Variants in TAF15 observed in about 807,000 individuals in gnomAD.
TAF15 encodes the protein TATA-box binding protein associated factor 15.
A neutral mutation model predicts 102.5 loss-of-function variants in TAF15; 37 were observed. The ratio of observed to expected loss-of-function variants is 0.36; its 90% CI spans 0.28 to 0.47. The LOEUF (loss-of-function observed/expected upper bound fraction) is 0.47, where lower values mean the gene tolerates loss of function less well. Among genes scored for constraint, TAF15 ranks in the 20% least tolerant of loss-of-function variants. The pLI is 0.99. For missense variants in TAF15, 652 were observed against 760.7 expected (o/e 0.86, Z 1.68); for synonymous variants, 273 against 259.2 (o/e 1.05, Z -0.51).
At chr17:35,843,913 G>C (rs1324015710) in intron 12 of TAF15, among the ~76,000 whole-genome samples, 164 bp from the exon 13 acceptor site, 1 of 152,196 alleles carries the variant, frequency 6.6e-6, no homozygotes, top group Non-Finnish European at 1.5e-5. Context: ...TGTTTACTAA[G>C]TACAAGACCC....
At chr17:35,836,593 T>C (rs1224313817) in intron 10 of TAF15, among the ~76,000 whole-genome samples, 1 of 152,226 alleles carries the variant, frequency 6.6e-6, no homozygotes. Context: ...GGAGGGGTTA[T>C]TTAATGTTTA....
At chr17:35,812,925 C>T (rs565554314) in intron 1 of TAF15, among the ~76,000 whole-genome samples, 13 of 151,812 alleles carry the variant, frequency 8.6e-5, no homozygotes, top group Middle Eastern at 3.4e-3. Context: ...GTCAGAAGTT[C>T]GAGACCAGCC....
chr17:35,837,176 G>T (rs1237978982), intron 10 of TAF15, among the ~76,000 whole-genome samples: 1 of 151,610 alleles, frequency 6.6e-6, no homozygotes, highest in Admixed American at 6.6e-5. Flanking sequence ...TTGAGACAGG[G>T]TCTTGCTTCA....
chr17:35,809,703 G>T, intron 1 of TAF15, 127 bp downstream of exon 1: 1 of 1,322,656 alleles, frequency 7.6e-7, no homozygotes, highest in Non-Finnish European at 1.1e-6. Context: ...GGGTGGGGGG[G>T]CGGCCGCTGC....
intron 15 of TAF15, 58 bp downstream of exon 15, chr17:35,845,096 T>C: frequency 6.2e-7 from 1 of 1,604,992 alleles, no homozygotes; most frequent in Non-Finnish European, 8.5e-7. Context: ...GATTGGGGGA[T>C]TTGAACCACA....
chr17:35,832,187 G>T (rs772093156), intron 7 of TAF15, among the ~76,000 whole-genome samples: 2 of 152,242 alleles, frequency 1.3e-5, no homozygotes, highest in African/African-American at 2.4e-5. Flanking sequence ...GAGTTAGGCA[G>T]TGATATACAT....
chr17:35,815,873 A>G (rs1337267817), intron 1 of TAF15, among the ~76,000 whole-genome samples: 4 of 152,144 alleles, frequency 2.6e-5, no homozygotes, highest in Non-Finnish European at 1.5e-5. Context: ...TGGGCCTGGC[A>G]GTGATGTGTA....
chr17:35,826,835 G>A (rs2087336420), intron 7 of TAF15, among the ~76,000 whole-genome samples: 1 of 150,916 alleles, frequency 6.6e-6, no homozygotes. Context: ...CAAGATTACA[G>A]GTGTGAGCCA....
intron 12 of TAF15, among the ~76,000 whole-genome samples, chr17:35,843,346 A>T (rs777128013): frequency 7.2e-5 from 11 of 151,852 alleles, no homozygotes; most frequent in Non-Finnish European, 1.3e-4. Context: ...CTGGTCTCGA[A>T]CTCCCGACCT....
At position 35,844,173 on chromosome 17, in the gene TAF15, T is replaced by C; in HGVS notation, c.1088+15T>C. On this transcript the variant is annotated intron_variant, in intron 13 of 15. Coordinates refer to ENST00000605844, the MANE Select transcript of TAF15 (RefSeq NM_139215.3). ...TGCCCTAATCCGTAAGTGTCTTGTT[T>C]ACTTTGGTGAGAGTAGGGGTTGGGA... is the stretch of plus-strand genomic sequence containing the variant. The C allele has an allele frequency of 6.2e-7, 1 of 1,614,058 alleles. No individual in the cohort carries two copies. The highest frequency in any genetic ancestry group is 2.2e-5 in the East Asian group (1 of 44,870).
intron 1 of TAF15, among the ~76,000 whole-genome samples, chr17:35,811,868 A>C (rs573712857): frequency 4.7e-4 from 71 of 152,360 alleles, no homozygotes; most frequent in African/African-American, 1.6e-3. Flanking sequence ...GACCACGATT[A>C]ACTTGAAAAT....
chr17:35,842,258 A>G, intron 11 of TAF15, 109 bp from the exon 12 acceptor site: 1 of 778,188 alleles, frequency 1.3e-6, no homozygotes, highest in Non-Finnish European at 2.2e-6. Flanking sequence ...TTCTGTGAGG[A>G]CATGTCAGTT....
At position 35,839,539 on chromosome 17, in the gene TAF15, G is replaced by A. The variant is rs146444579; in HGVS notation, c.913+986G>A. On this transcript the variant is annotated intron_variant, in intron 11 of 15. Transcript: ENST00000605844. ...TGGGACTACAGGCGCCCGCCACCAC[G>A]CCCTGCTAATTTTTTTGTATTTTTA... 4.7e-3 allele frequency among the ~76,000 whole-genome samples: 711 copies of A among 151,700 alleles called. 5 individuals carry two copies. The highest frequency in any genetic ancestry group is 0.016 in the African/African-American group (672 of 41,388).
At chr17:35,816,809 C>A (rs2087200746) in intron 1 of TAF15, 2 of 146,084 alleles carry the variant, frequency 1.4e-5, no homozygotes, top group Non-Finnish European at 3.0e-5. Flanking sequence ...CCCCACCCCA[C>A]CCCCACTTTT....
At chr17:35,812,279 A>G (rs973966042) in intron 1 of TAF15, among the ~76,000 whole-genome samples, 4 of 152,316 alleles carry the variant, frequency 2.6e-5, no homozygotes, top group South Asian at 2.1e-4. Context: ...CTGGGCTGGT[A>G]ATACCCTTGG....
At chr17:35,820,515 A>C in intron 5 of TAF15, 78 bp downstream of exon 5, 3 of 1,398,010 alleles carry the variant, frequency 2.1e-6, no homozygotes, top group Non-Finnish European at 3.0e-6. Flanking sequence ...AACCAACAAA[A>C]TCCTAGCTTT....
chr17:35,809,513 C>T lies in TAF15; in HGVS notation c.-57C>T, dbSNP rs773306960. On this transcript the variant is annotated 5_prime_UTR_variant, in exon 1 of 16. Transcript: ENST00000605844. ...CAGCTCCGGCCGCCGCGCCGCCTGG[C>T]TTTCGTATTCGTTGTTCTCGGCGGG... The T allele has an allele frequency of 1.6e-5, 25 of 1,611,160 alleles. No individual in the cohort carries two copies. The highest frequency in any genetic ancestry group is 2.7e-5 in the African/African-American group (2 of 74,848).
intron 1 of TAF15, among the ~76,000 whole-genome samples, chr17:35,815,436 A>T (rs4251720): frequency 0.032 from 4,849 of 152,298 alleles, 258 homozygotes; most frequent in African/African-American, 0.11. Context: ...TTTCTATATC[A>T]TCTGGGAGTT....
chr17:35,841,721 A>G (rs1235566331), intron 11 of TAF15, among the ~76,000 whole-genome samples: 3 of 138,674 alleles, frequency 2.2e-5, no homozygotes, highest in Non-Finnish European at 3.0e-5. Context: ...TTTTGGAGAG[A>G]GAGTATCACA....
Sources: gnomAD v4.1 joint callset for allele counts (sites outside exome capture counted in the v4.1 genomes callset) on GRCh38, gnomAD v4.1.1 for gene constraint, MANE v1.5 for transcripts, NCBI Gene and HGNC (gene_info 2026-07-23, HGNC 2026-07-21) for gene names.